SCN2A: variants seen among roughly 807,000 people sequenced by gnomAD.
The protein encoded by SCN2A is sodium channel protein type 2 subunit alpha.
Under a neutral mutation model 188.7 loss-of-function variants are expected in SCN2A, and 20 were observed. The observed-to-expected ratio is 0.11, with a 90% CI of 0.07 to 0.15. The LOEUF (loss-of-function observed/expected upper bound fraction) is 0.15, where lower values mean the gene tolerates loss of function less well. Among genes scored for constraint, SCN2A ranks in the 10% least tolerant of loss-of-function variants. The probability of loss-of-function intolerance (pLI) is 1.00; values close to 1 mark genes in which losing one functional copy is unlikely to be tolerated. For missense variants in SCN2A, 1,278 were observed against 2,445.0 expected, an observed-to-expected ratio of 0.52 and a Z score of 10.07; for synonymous variants, 804 against 833.1, an observed-to-expected ratio of 0.97 and a Z score of 0.60.
intron 13 of SCN2A, chr2:165,327,927 C>G (rs536120592): frequency 1.3e-4 from 20 of 152,256 alleles, no homozygotes; most frequent in African/African-American, 4.8e-4. Flanking sequence ...CTATTCCCTC[C>G]TCTCCCTATC....
intron 1 of SCN2A, among the ~76,000 whole-genome samples, chr2:165,249,197 A>T (rs768745964): frequency 2.6e-5 from 4 of 152,154 alleles, no homozygotes; most frequent in Non-Finnish European, 5.9e-5. Context: ...TGTCTGGCAC[A>T]TAAGAAGTTT....
At chr2:165,298,776 A>G (rs1398255071) in intron 3 of SCN2A, among the ~76,000 whole-genome samples, 1 of 152,186 alleles carries the variant, frequency 6.6e-6, no homozygotes, top group Non-Finnish European at 1.5e-5. Context: ...TTATATTTTA[A>G]AATAATTGTA....
chr2:165,312,001 T>C, intron 7 of SCN2A, 24 bp from the exon 8 acceptor site: 1 of 1,572,674 alleles, frequency 6.4e-7, no homozygotes, highest in Non-Finnish European at 8.7e-7. Context: ...TAATGATTCT[T>C]TCTATTCCTT....
intron 1 of SCN2A, among the ~76,000 whole-genome samples, chr2:165,294,290 C>T (rs1452341300): frequency 6.6e-6 from 1 of 151,984 alleles, no homozygotes. Flanking sequence ...AGAATCCAGG[C>T]ATGGCAGTTT....
At chr2:165,309,574 AT>A (rs1185172901) in intron 6 of SCN2A, 131 bp downstream of exon 6, 11 of 1,077,542 alleles carry the variant, frequency 1.0e-5, no homozygotes, top group Non-Finnish European at 1.5e-5. Flanking sequence ...TTGGTACATC[AT>A]TTTTTGGATG....
intron 1 of SCN2A, chr2:165,294,100 C>A: frequency 9.3e-6 from 9 of 968,252 alleles, no homozygotes; most frequent in Non-Finnish European, 1.1e-5. Flanking sequence ...GCCAGCTTAT[C>A]AATCCCAAAC....
At chr2:165,318,766 T>C (rs1222237355) in intron 11 of SCN2A, among the ~76,000 whole-genome samples, 1 of 152,222 alleles carries the variant, frequency 6.6e-6, no homozygotes, top group African/African-American at 2.4e-5. Flanking sequence ...ATGTATTGTT[T>C]GCCTTTCTTT....
chr2:165,275,619 T>G (rs559106949), intron 1 of SCN2A, among the ~76,000 whole-genome samples: 2 of 152,330 alleles, frequency 1.3e-5, no homozygotes, highest in African/African-American at 4.8e-5. Context: ...AGGTTTATTG[T>G]TTTTGATTTG....
intron 14 of SCN2A, among the ~76,000 whole-genome samples, chr2:165,333,850 A>G (rs1698833959): frequency 6.6e-6 from 1 of 151,608 alleles, no homozygotes; most frequent in African/African-American, 2.4e-5. Flanking sequence ...TGAAAAAATC[A>G]ACACAATTGA....
intron 1 of SCN2A, chr2:165,269,160 C>A (rs1694999537): frequency 6.6e-6 from 1 of 151,774 alleles, no homozygotes; most frequent in Admixed American, 6.6e-5. Flanking sequence ...GTTCTCACCA[C>A]CAAAATATAA....
intron 1 of SCN2A, among the ~76,000 whole-genome samples, chr2:165,291,537 C>CT (rs1559340608): frequency 2.4e-3 from 153 of 63,982 alleles, no homozygotes; most frequent in Non-Finnish European, 3.8e-3. Flanking sequence ...TCCTTCCTTC[C>CT]TTCCTTCCTT....
chr2:165,241,600 T>G (rs1693626026), intron 1 of SCN2A, among the ~76,000 whole-genome samples: 1 of 152,200 alleles, frequency 6.6e-6, no homozygotes, highest in South Asian at 2.1e-4. Context: ...CAAGTGTCCA[T>G]GGTAGAGATA....
At chr2:165,352,991 G>GA (rs963823699) in intron 16 of SCN2A, among the ~76,000 whole-genome samples, 1 of 149,698 alleles carries the variant, frequency 6.7e-6, no homozygotes, top group Non-Finnish European at 1.5e-5. Context: ...ATCAAATCCT[G>GA]AAAAAAAATT....
At chr2:165,294,184 A>G (rs974072748) in intron 1 of SCN2A, 2 of 825,116 alleles carry the variant, frequency 2.4e-6, no homozygotes, top group Non-Finnish European at 2.9e-6. Flanking sequence ...ATGCTTCTCT[A>G]CCTTTACAGT....
chr2:165,319,153 G>A lies in SCN2A; in HGVS notation c.1671+3395G>A, dbSNP rs916780172. Reference sequence around the variant, plus strand: ...GAGATGAGACCATCCTGGCTAACACGGTGAAACCCCATCTCTACTAAAAAA... The same window carrying A: ...GAGATGAGACCATCCTGGCTAACACAGTGAAACCCCATCTCTACTAAAAAA... On this transcript the variant is annotated intron_variant, in intron 11 of 26. Coordinates refer to ENST00000375437, the MANE Select transcript of SCN2A (RefSeq NM_001040142.2). Among the ~76,000 whole-genome samples the A allele has an allele frequency of 5.3e-5, 8 of 151,994 alleles. No individual in the cohort carries two copies. The South Asian group carries it at 6.2e-4, about 12-fold the overall frequency.
rs550820614 is a variant in SCN2A, at chr2:165,291,027, T to G, written c.-51-4746T>G. 8.5e-5 allele frequency among the ~76,000 whole-genome samples: 8 copies of G among 94,440 alleles called. No homozygotes were observed. The East Asian group carries it at 1.3e-3, about 15-fold the overall frequency. The allele number at this position is 94,440 out of a possible 152,430, so 62.0% of individuals were successfully genotyped here. ...CATTTCCTGGTGTTTTTTTCTTTTC[T>G]TTTCTTTCTTTTTTTTTTTTTTTTT... On this transcript the variant is annotated intron_variant, in intron 1 of 26. Coordinates refer to ENST00000375437, the MANE Select transcript of SCN2A (RefSeq NM_001040142.2).
rs1389700505 is a variant in SCN2A, at chr2:165,389,813, A to T, written c.6007A>T (p.Ser2003Cys). 6 of 1,605,992 alleles carry T rather than the reference A, an allele frequency of 3.7e-6. No individual in the cohort carries two copies. The highest frequency in any genetic ancestry group is 5.1e-6 in the Non-Finnish European group (6 of 1,175,844). The change falls in exon 27 of 27, where the codon AGT (serine) becomes TGT (cysteine). Residue 2003 changes from serine (S) to cysteine (C), a missense_variant. Transcript: ENST00000375437. This position sits in a 1 kb window ranked among gnomAD's most constrained non-coding sequence, Gnocchi z 4.2. ...KEDKGKDIRE[S>C]KK ...AGACAAAGGGAAAGATATCAGGGAA[A>T]GTAAAAAGTAAAAAGAAACCAAGAA...
chr2:165,315,658 G>A lies in SCN2A; in HGVS notation c.1571G>A (p.Arg524Gln), dbSNP rs186154973. The A allele has an allele frequency of 5.8e-5, 93 of 1,614,058 alleles. No individual in the cohort carries two copies. The East Asian group carries it at 1.6e-3, about 27-fold the overall frequency. ...GAAGAAGAGAAAAATGACAGAGTCC[G>A]AAAATCGGAATCTGAAGACAGCATA... ...SGEEEKNDRVRKSESEDSIRR... is the reference protein window; with the variant it reads ...SGEEEKNDRVQKSESEDSIRR... The change falls in exon 11 of 27, where the codon CGA becomes CAA. Residue 524 changes from arginine to glutamine, a missense_variant. By Grantham distance (43) the Arg-to-Gln change is conservative. Around this residue, in one of 17 missense-constraint regions of SCN2A, gnomAD observed 315 missense variants for 386.6 expected, o/e 0.81. Coordinates refer to ENST00000375437, the MANE Select transcript of SCN2A (RefSeq NM_001040142.2).
intron 16 of SCN2A, among the ~76,000 whole-genome samples, chr2:165,351,146 A>G (rs1252332800): frequency 1.3e-5 from 2 of 152,182 alleles, no homozygotes; most frequent in Non-Finnish European, 2.9e-5. Context: ...ATCGATTCTT[A>G]CCTAGCACTC....
Sources: allele counts gnomAD v4.1 joint callset (sites outside exome capture counted in the v4.1 genomes callset), GRCh38; gene constraint gnomAD v4.1.1; regional missense constraint gnomAD v4.1.1; non-coding constraint Gnocchi (gnomAD v3.1); transcripts MANE v1.5; gene names NCBI Gene and HGNC (gene_info 2026-07-23, HGNC 2026-07-21).